UGGT2: variants seen among roughly 807,000 people sequenced by gnomAD.
UGGT2 encodes UDP-glucose glycoprotein glucosyltransferase 2.
UGGT2 carries 180 observed loss-of-function variants against 192.1 expected under a neutral mutation model. The observed-to-expected ratio is 0.94, with a 90% CI of 0.83 to 1.06. The LOEUF is 1.06. Among genes scored for constraint, UGGT2 ranks in the 50% least tolerant of loss-of-function variants. The pLI is 0.00. For missense variants in UGGT2, 1,849 were observed against 1,795.7 expected, an observed-to-expected ratio of 1.03 and a Z score of -0.54; for synonymous variants, 580 against 591.0, an observed-to-expected ratio of 0.98 and a Z score of 0.27.
At chr13:95,844,321 T>A (rs921360973) in intron 36 of UGGT2, among the ~76,000 whole-genome samples, 8 of 152,230 alleles carry the variant, frequency 5.3e-5, no homozygotes, top group African/African-American at 1.9e-4. Context: ...ACTTCATTAA[T>A]TTGTACAAGA....
At chr13:95,884,387 C>T in intron 27 of UGGT2, 104 bp downstream of exon 27, 1 of 908,956 alleles carries the variant, frequency 1.1e-6, no homozygotes. Context: ...AAAGAATATT[C>T]TGGTAAACAT....
chr13:96,022,651 T>C (rs2052548193), intron 4 of UGGT2, among the ~76,000 whole-genome samples: 1 of 151,928 alleles, frequency 6.6e-6, no homozygotes, highest in Non-Finnish European at 1.5e-5. Context: ...AATTAAATAC[T>C]TGCAAAAAAG....
At chr13:95,898,158 G>A (rs1038572057) in intron 22 of UGGT2, among the ~76,000 whole-genome samples, 1 of 152,036 alleles carries the variant, frequency 6.6e-6, no homozygotes, top group Non-Finnish European at 1.5e-5. Context: ...CTGGACTACT[G>A]CATTATCTCC....
At chr13:96,050,639 A>T (rs2053456833) in intron 1 of UGGT2, among the ~76,000 whole-genome samples, 1 of 152,216 alleles carries the variant, frequency 6.6e-6, no homozygotes, top group Non-Finnish European at 1.5e-5. Flanking sequence ...TACAAGAAAA[A>T]AATTAAACGA....
At chr13:95,858,000 T>C (rs1377617672) in intron 33 of UGGT2, among the ~76,000 whole-genome samples, 1 of 34,112 alleles carries the variant, frequency 2.9e-5, no homozygotes, top group African/African-American at 9.3e-5. Flanking sequence ...TCTTTTTCTG[T>C]TTTTTTTTTT....
chr13:95,978,819 G>A (rs993096264), intron 10 of UGGT2, among the ~76,000 whole-genome samples: 1 of 152,108 alleles, frequency 6.6e-6, no homozygotes, highest in African/African-American at 2.4e-5. Flanking sequence ...GACAAGATAA[G>A]ACTTAAAAAG....
chr13:95,907,590 G>C lies in UGGT2; in HGVS notation c.2296-4530C>G, dbSNP rs1459194540. ...ATTTGCTGTTCTGCAGCCTCCGCTG[G>C]TGATACCCAGGCAAAAAGGATTTGC... On this transcript the variant is annotated intron_variant, in intron 20 of 38. Transcript: ENST00000376747. 2.0e-5 allele frequency among the ~76,000 whole-genome samples: 3 copies of C among 152,284 alleles called. No homozygotes were observed. In the South Asian group the frequency reaches 6.2e-4, roughly 32 times the overall value.
At chr13:95,963,627 T>C (rs2050474167) in intron 12 of UGGT2, among the ~76,000 whole-genome samples, 1 of 152,200 alleles carries the variant, frequency 6.6e-6, no homozygotes, top group Admixed American at 6.5e-5. Flanking sequence ...CATGATTGTA[T>C]ATCTAGAAAA....
rs759466374 is a variant in UGGT2, at chr13:95,867,416, C to G, written c.3481G>C (p.Gly1161Arg). ...TCTAGGTCTGCTTGAGAGTCAGTTC[C>G]TTCATGCCTAAAAGTAGAAAAATGT... Reference protein sequence around the residue: ...EDIYQIVGHEGTDSQADLEDI... With the variant: ...EDIYQIVGHERTDSQADLEDI... The change falls in exon 30 of 39, where the codon GGA becomes CGA. Residue 1161 changes from glycine (G) to arginine (R), a missense_variant. By Grantham distance (125) the Gly-to-Arg change is moderately radical. Coordinates refer to ENST00000376747, the MANE Select transcript of UGGT2 (RefSeq NM_020121.4). 6.2e-7 allele frequency: 1 copy of G among 1,603,904 alleles called. No homozygotes were observed. Among genetic ancestry groups the G allele is most frequent in the East Asian group, 2.2e-5 (1 of 44,464 alleles).
intron 8 of UGGT2, among the ~76,000 whole-genome samples, chr13:95,988,443 A>G (rs182032226): frequency 2.6e-5 from 4 of 152,266 alleles, no homozygotes; most frequent in Admixed American, 2.6e-4. Context: ...GTGAAAGAAC[A>G]GTCACAAGGG....
At chr13:95,861,676 T>C (rs1890184459) in intron 31 of UGGT2, among the ~76,000 whole-genome samples, 1 of 152,186 alleles carries the variant, frequency 6.6e-6, no homozygotes, top group South Asian at 2.1e-4. Context: ...AACAGATATT[T>C]AGAATGAATA....
At chr13:96,005,814 TG>T (rs1266934357) in intron 5 of UGGT2, among the ~76,000 whole-genome samples, 3 of 152,034 alleles carry the variant, frequency 2.0e-5, no homozygotes, top group African/African-American at 7.2e-5. Flanking sequence ...GAAATACAGG[TG>T]GGAAAGCTAT....
chr13:96,036,413 G>A (rs1354286524), intron 1 of UGGT2, among the ~76,000 whole-genome samples: 3 of 152,174 alleles, frequency 2.0e-5, no homozygotes, highest in South Asian at 2.1e-4. Flanking sequence ...AAAGGTGCAA[G>A]GGGACGGAGA....
intron 12 of UGGT2, among the ~76,000 whole-genome samples, chr13:95,969,766 G>C (rs2050709316): frequency 2.0e-5 from 3 of 152,184 alleles, no homozygotes; most frequent in African/African-American, 7.2e-5. Context: ...TGTTTCGGCA[G>C]GACTTTCATC....
intron 29 of UGGT2, chr13:95,877,070 G>A (rs1891759168): frequency 9.7e-6 from 4 of 414,326 alleles, no homozygotes; most frequent in East Asian, 7.8e-5. Flanking sequence ...TTTTAGTACA[G>A]ATGGGGTTTT....
At chr13:96,042,376 C>G (rs2053189905) in intron 1 of UGGT2, among the ~76,000 whole-genome samples, 1 of 152,148 alleles carries the variant, frequency 6.6e-6, no homozygotes, top group Non-Finnish European at 1.5e-5. Flanking sequence ...CAGCCTTCAG[C>G]CCTAGACCTT....
At chr13:95,914,570 T>C (rs1256095424) in intron 20 of UGGT2, among the ~76,000 whole-genome samples, 1 of 131,344 alleles carries the variant, frequency 7.6e-6, no homozygotes. Flanking sequence ...AGGTGAGGAG[T>C]TCGAGACCAC....
At chr13:95,819,355 G>T (rs915432902) in intron 38 of UGGT2, among the ~76,000 whole-genome samples, 3 of 147,534 alleles carry the variant, frequency 2.0e-5, no homozygotes, top group Admixed American at 1.3e-4. Context: ...TTATTAGACT[G>T]TCTAACATTT....
rs184833240 is a variant in UGGT2 at position 95,897,940 on chromosome 13, T to C, written c.2635-2636A>G. Reference sequence around the variant, plus strand: ...AAACTGAATTCTCTTTCCTTCTTCTTATACTGCTCCTGACAACCTCACTCA... The same window carrying C: ...AAACTGAATTCTCTTTCCTTCTTCTCATACTGCTCCTGACAACCTCACTCA... On this transcript the variant is annotated intron_variant, in intron 22 of 38. Coordinates refer to ENST00000376747, the MANE Select transcript of UGGT2 (RefSeq NM_020121.4). Among the ~76,000 whole-genome samples the C allele has an allele frequency of 2.5e-3, 381 of 152,242 alleles. 3 individuals carry two copies. The highest frequency in any genetic ancestry group is 8.9e-3 in the African/African-American group (368 of 41,562).
Sources: allele counts gnomAD v4.1 joint callset (sites outside exome capture counted in the v4.1 genomes callset), GRCh38; gene constraint gnomAD v4.1.1; transcripts MANE v1.5; gene names NCBI Gene and HGNC (gene_info 2026-07-23, HGNC 2026-07-21).